The following TRMT10C variants were observed in gnomAD, a reference collection of about 807,000 sequenced individuals.
TRMT10C encodes the protein tRNA methyltransferase 10C, mitochondrial RNase P subunit, also known as tRNA methyltransferase 10 homolog C.
A neutral mutation model predicts 27.4 loss-of-function variants in TRMT10C; 14 were observed. The ratio of observed to expected loss-of-function variants is 0.51; its 90% CI spans 0.34 to 0.80. TRMT10C has a LOEUF of 0.80. TRMT10C is among the 30% of genes least tolerant of loss of function. TRMT10C has a pLI of 0.02. For synonymous variants in TRMT10C, 143 were observed against 155.9 expected (o/e 0.92, Z 0.62); for missense variants, 438 against 464.8 (o/e 0.94, Z 0.53).
Position 101,565,301 on chromosome 3 carries a change from C to G in TRMT10C, c.520C>G (p.Gln174Glu). The G allele has an allele frequency of 6.2e-7, 1 of 1,613,320 alleles. No individual in the cohort carries two copies. Among genetic ancestry groups the G allele is most frequent in the Non-Finnish European group, 8.5e-7 (1 of 1,179,752 alleles). Residue 174 changes from glutamine to glutamate, a missense_variant, in exon 2 of 2, where the codon CAG (glutamine) becomes GAG (glutamate). Coordinates refer to ENST00000309922, the MANE Select transcript of TRMT10C (RefSeq NM_017819.4). ...KLLETTEEDK[Q>E]KNFLFLRLWD... The stretch of plus-strand genomic sequence containing the variant: ...GCTAGAAACCACTGAGGAAGATAAA[C>G]AGAAAAACTTTCTATTTTTACGACT...
Position 101,565,231 on chromosome 3 carries a change from G to A in TRMT10C, c.450G>A (p.Lys150=). The change falls in exon 2 of 2, where the codon AAG becomes AAA. Residue 150 remains lysine (K), a synonymous_variant. Coordinates refer to ENST00000309922, the MANE Select transcript of TRMT10C (RefSeq NM_017819.4). ...TGAAAAAAGCTAGGCAAATAAAAAA[G>A]GAAATGAAAGCAGCAGCAAGGGAAG... is the stretch of plus-strand genomic sequence containing the variant. ...EKVKKARQIK[K]EMKAAAREEA... is the part of the protein sequence containing the mutation. 1 of 1,604,404 alleles carries A rather than the reference G, an allele frequency of 6.2e-7. No homozygotes were observed. The highest frequency in any genetic ancestry group is 8.5e-7 in the Non-Finnish European group (1 of 1,176,110).
Position 101,565,973 on chromosome 3 carries a change from CT to C in TRMT10C, c.1193del (p.Leu398GlnfsTer27), listed in dbSNP as rs1283620304. The C allele has an allele frequency of 1.2e-6, 2 of 1,602,260 alleles. No individual in the cohort carries two copies. Among genetic ancestry groups the C allele is most frequent in the South Asian group, 2.2e-5 (2 of 89,908 alleles). On this transcript the variant is annotated frameshift_variant, in exon 2 of 2. Coordinates refer to ENST00000309922, the MANE Select transcript of TRMT10C (RefSeq NM_017819.4). LOFTEE classifies it high-confidence loss of function. The part of the protein sequence containing the change: ...SQHSQEFINR[L>X]KKAKT ...GCATTCTCAAGAGTTTATCAACAGA[CT>C]AAAGAAGGCAAAGACTTAATTCATT...
At chr3:101,563,618 G>C (rs1247146356) in intron 1 of TRMT10C, among the ~76,000 whole-genome samples, 3 of 152,182 alleles carry the variant, frequency 2.0e-5, no homozygotes, top group African/African-American at 7.2e-5. Context: ...ACAGGTCAGA[G>C]AGCAGGAAAC....
In TRMT10C at chr3:101,565,979, A is replaced by G. The variant is rs908899352; in HGVS notation, c.1198A>G (p.Lys400Glu). 1.2e-6 allele frequency: 2 copies of G among 1,601,404 alleles called. No homozygotes were observed. The highest frequency in any genetic ancestry group is 1.7e-6 in the Non-Finnish European group (2 of 1,174,152). Reference sequence around the variant, plus strand: ...TCAAGAGTTTATCAACAGACTAAAGAAGGCAAAGACTTAATTCATTTTCAA... The same window carrying G: ...TCAAGAGTTTATCAACAGACTAAAGGAGGCAAAGACTTAATTCATTTTCAA... ...HSQEFINRLK[K>E]AKT Residue 400 changes from lysine to glutamate, a missense_variant, in exon 2 of 2, where the codon AAG becomes GAG. By Grantham distance (56) the Lys-to-Glu change is moderately conservative. Coordinates refer to ENST00000309922, the MANE Select transcript of TRMT10C (RefSeq NM_017819.4).
At position 101,565,021 on chromosome 3, in the gene TRMT10C, A is replaced by C; in HGVS notation, c.240A>C (p.Ser80=). ...MKSSVQEECV[S]TISSSKDEDP... ...CTAGTGTGCAAGAAGAATGTGTTTC[A>C]ACAATCTCAAGCAGTAAGGATGAAG... The change falls in exon 2 of 2, where the codon TCA becomes TCC. Residue 80 remains serine, a synonymous_variant. Coordinates refer to ENST00000309922, the MANE Select transcript of TRMT10C (RefSeq NM_017819.4). 1.2e-6 allele frequency: 2 copies of C among 1,614,110 alleles called. No individual in the cohort carries two copies. Among genetic ancestry groups the C allele is most frequent in the Non-Finnish European group, 1.7e-6 (2 of 1,180,026 alleles).
In TRMT10C at chr3:101,565,870, G is replaced by C. The variant is rs1198305289; in HGVS notation, c.1089G>C (p.Leu363=). Residue 363 remains leucine (L), a synonymous_variant, in exon 2 of 2, where the codon CTG becomes CTC. Coordinates refer to ENST00000309922, the MANE Select transcript of TRMT10C (RefSeq NM_017819.4). ...AAATGATACGTATTTTGTTATGTCT[G>C]AAAAACAATGGTAATTGGCAAGAGG... The part of the protein sequence containing the change: ...LDQMIRILLC[L]KNNGNWQEAL... The C allele has an allele frequency of 6.2e-7, 1 of 1,614,012 alleles. No individual in the cohort carries two copies. The highest frequency in any genetic ancestry group is 1.3e-5 in the African/African-American group (1 of 74,916).
In TRMT10C at chr3:101,565,458, A is replaced by G. The variant is rs1474977611; in HGVS notation, c.677A>G (p.Gln226Arg). The G allele has an allele frequency of 3.7e-6, 6 of 1,614,180 alleles. No homozygotes were observed. The highest frequency in any genetic ancestry group is 5.1e-6 in the Non-Finnish European group (6 of 1,180,024). ...AAAGAATTGCAGAATACTGTTTCCC[A>G]GCTTTTAGAAAGTGAAGGATGGAAC... ...KRKELQNTVS[Q>R]LLESEGWNRR... Residue 226 changes from glutamine to arginine, a missense_variant, in exon 2 of 2, where the codon CAG becomes CGG. By Grantham distance (43) the Gln-to-Arg change is conservative (BLOSUM62 1). This residue lies in a region of TRMT10C where 350 missense variants were observed against 370.5 expected (regional missense o/e 0.94). Transcript: ENST00000309922.
At chr3:101,564,671 T>G (rs1934479477) in intron 1 of TRMT10C, 99 bp from the exon 2 acceptor site, 8 of 1,231,960 alleles carry the variant, frequency 6.5e-6, no homozygotes, top group Non-Finnish European at 7.8e-6. Flanking sequence ...TTTCAAAAAT[T>G]GATTTTATTT....
At chr3:101,564,511 C>G (rs1559949117) in intron 1 of TRMT10C, among the ~76,000 whole-genome samples, 1 of 152,188 alleles carries the variant, frequency 6.6e-6, no homozygotes, top group African/African-American at 2.4e-5. Context: ...CCACCCACCT[C>G]AGGCTCCCAA....
chr3:101,564,710 T>C, intron 1 of TRMT10C, 60 bp from the exon 2 acceptor site: 2 of 1,383,568 alleles, frequency 1.4e-6, no homozygotes, highest in Non-Finnish European at 1.9e-6. Flanking sequence ...CTTGCACAAT[T>C]AGTTGAGAAG....
In TRMT10C at chr3:101,566,118, A is replaced by C; in HGVS notation, c.*125A>C. 1 of 1,137,352 alleles carries C rather than the reference A, an allele frequency of 8.8e-7. No homozygotes were observed. The allele number at this position is 1,137,352 out of a possible 1,614,324, so 70.5% of individuals were successfully genotyped here. On this transcript the variant is annotated 3_prime_UTR_variant, in exon 2 of 2. Transcript: ENST00000309922. ...TAATGTATTTCTTCCCAAACAATTC[A>C]TTTTTCTCTTCTAAAGGTAGTCTTT...
intron 1 of TRMT10C, among the ~76,000 whole-genome samples, 185 bp from the exon 2 acceptor site, chr3:101,564,585 T>C (rs1256301207): frequency 6.6e-6 from 1 of 152,110 alleles, no homozygotes; most frequent in Admixed American, 6.5e-5. Context: ...TTTTAAACTT[T>C]TTACTCAATG....
chr3:101,564,292 C>CT (rs1934472801), intron 1 of TRMT10C, among the ~76,000 whole-genome samples: 1 of 140,482 alleles, frequency 7.1e-6, no homozygotes, highest in African/African-American at 2.6e-5. Context: ...GAATCTCACT[C>CT]TGTCACCCAG....
chr3:101,565,506 A>G lies in TRMT10C; in HGVS notation c.725A>G (p.His242Arg), dbSNP rs1238888819. ...AACAGAAGAAATGTTGATCCTTTCC[A>G]TATTTATTTCTGCAATCTAAAAATA... is the stretch of plus-strand genomic sequence containing the variant. ...GWNRRNVDPF[H>R]IYFCNLKIDG... The change falls in exon 2 of 2, where the codon CAT becomes CGT. Residue 242 changes from histidine to arginine, a missense_variant. His to Arg is a conservative substitution (Grantham distance 29). Coordinates refer to ENST00000309922, the MANE Select transcript of TRMT10C (RefSeq NM_017819.4). The G allele has an allele frequency of 1.2e-6, 2 of 1,613,436 alleles. No individual in the cohort carries two copies. The highest frequency in any genetic ancestry group is 2.2e-5 in the East Asian group (1 of 44,888).
intron 1 of TRMT10C, among the ~76,000 whole-genome samples, chr3:101,564,169 G>A (rs1027468079): frequency 3.3e-5 from 5 of 150,918 alleles, no homozygotes; most frequent in African/African-American, 1.2e-4. Flanking sequence ...GATTCTCTGG[G>A]CCCCTAGATA....
rs1335284894 is a variant in TRMT10C, at chr3:101,561,971, G to A, written c.-45G>A. On this transcript the variant is annotated 5_prime_UTR_variant, in exon 1 of 2. Coordinates refer to ENST00000309922, the MANE Select transcript of TRMT10C (RefSeq NM_017819.4). ...TCGTCCTCCAGGGTCCCTGTTCTTT[G>A]CGCCAGCGGGAACCACTATCTCTGC... The A allele has an allele frequency of 6.5e-6, 1 of 153,146 alleles. No homozygotes were observed. The highest frequency in any genetic ancestry group is 6.5e-5 in the Admixed American group (1 of 15,318). The allele number at this position is 153,146 out of a possible 1,614,324, so 9.5% of individuals were successfully genotyped here.
chr3:101,562,333 G>T lies in TRMT10C; in HGVS notation c.-13+330G>T, dbSNP rs938264408. ...GGGGACCCCAGTTAAATATTTCCGG[G>T]ATTCTAAAGTAAATTGTTTTCTCTT... On this transcript the variant is annotated intron_variant, in intron 1 of 1. Transcript: ENST00000309922. 2.0e-5 allele frequency among the ~76,000 whole-genome samples: 3 copies of T among 152,180 alleles called. No homozygotes were observed. In the South Asian group the frequency reaches 6.2e-4, roughly 32 times the overall value.
chr3:101,562,286 A>G (rs777755574), intron 1 of TRMT10C, among the ~76,000 whole-genome samples: 2 of 152,230 alleles, frequency 1.3e-5, no homozygotes, highest in Non-Finnish European at 2.9e-5. Context: ...TTCTGAAATC[A>G]ATGTTTATTA....
At chr3:101,562,284 T>A (rs1315026813) in intron 1 of TRMT10C, among the ~76,000 whole-genome samples, 1 of 152,228 alleles carries the variant, frequency 6.6e-6, no homozygotes, top group East Asian at 1.9e-4. Context: ...CCTTCTGAAA[T>A]CAATGTTTAT....
Sources: allele counts gnomAD v4.1 joint callset (sites outside exome capture counted in the v4.1 genomes callset), GRCh38; gene constraint gnomAD v4.1.1; regional missense constraint gnomAD v4.1.1; transcripts MANE v1.5; gene names NCBI Gene and HGNC (gene_info 2026-07-23, HGNC 2026-07-21).